DHX34: variants seen among roughly 807,000 people sequenced by gnomAD.
The protein encoded by DHX34 is DExH-box helicase 34, also known as probable ATP-dependent RNA helicase DHX34.
DHX34 carries 96 observed loss-of-function variants against 111.1 expected under a neutral mutation model. The observed-to-expected ratio is 0.86, with a 90% CI of 0.73 to 1.02. The LOEUF is 1.02. Among genes scored for constraint, DHX34 ranks in the 50% least tolerant of loss-of-function variants. The pLI, the probability that DHX34 is intolerant of heterozygous loss-of-function variation, is 0.00. For missense variants in DHX34, 1,560 were observed against 1,579.9 expected, an observed-to-expected ratio of 0.99 and a Z score of 0.21; for synonymous variants, 688 against 670.4, an observed-to-expected ratio of 1.03 and a Z score of -0.41.
At chr19:47,365,782 T>C (rs1453859250) in intron 6 of DHX34, among the ~76,000 whole-genome samples, 2 of 152,150 alleles carry the variant, frequency 1.3e-5, no homozygotes, top group Admixed American at 1.3e-4. Flanking sequence ...GCTGTTTGCT[T>C]ACGTATGCCA....
Position 47,352,764 on chromosome 19 carries a change from C to T in DHX34, c.-267C>T, listed in dbSNP as rs1289131639. ...GTTCTCTCTCTTAAGAATCCAGGGC[C>T]TGAAAACCCAGAATGAACTTGTGTC... On this transcript the variant is annotated 5_prime_UTR_variant, in exon 2 of 17. Transcript: ENST00000328771. The T allele has an allele frequency of 9.8e-6, 5 of 508,318 alleles. No individual in the cohort carries two copies. The highest frequency in any genetic ancestry group is 3.4e-6 in the Non-Finnish European group (1 of 298,474). The allele number at this position is 508,318 out of a possible 1,614,324, so 31.5% of individuals were successfully genotyped here.
intron 6 of DHX34, among the ~76,000 whole-genome samples, chr19:47,364,539 C>T (rs923370780): frequency 2.0e-5 from 3 of 152,016 alleles, no homozygotes; most frequent in Non-Finnish European, 4.4e-5. Context: ...GCCAGGAAGT[C>T]GAGACCAGCC....
At chr19:47,366,849 C>T in intron 6 of DHX34, 132 bp from the exon 7 acceptor site, 1 of 1,368,706 alleles carries the variant, frequency 7.3e-7, no homozygotes, top group Non-Finnish European at 9.5e-7. Context: ...GCTGGGATTA[C>T]AGGCATGAGC....
rs564200794 is a variant in DHX34, at chr19:47,363,082, C to G, written c.1593+389C>G. ...TCTCCTGCCTCAGCCTTCCTAGTAG[C>G]TGGGACTACAGGTGTGCACCACCAA... On this transcript the variant is annotated intron_variant, in intron 6 of 16. Transcript: ENST00000328771. 2.6e-5 allele frequency among the ~76,000 whole-genome samples: 4 copies of G among 152,162 alleles called. No individual in the cohort carries two copies. In the East Asian group the frequency reaches 7.7e-4, roughly 29 times the overall value.
rs753298667 is a variant in DHX34 at position 47,353,006 on chromosome 19, G to T, written c.-25G>T. 1.3e-6 allele frequency: 2 copies of T among 1,595,382 alleles called. No individual in the cohort carries two copies. Among genetic ancestry groups the T allele is most frequent in the Non-Finnish European group, 8.6e-7 (1 of 1,167,382 alleles). ...ATATTTGTTTTGGGTGATCAGAACTGAGACTCCTATTGTGGATTAGTAACA... is the reference window on the plus strand; with the variant it reads ...ATATTTGTTTTGGGTGATCAGAACTTAGACTCCTATTGTGGATTAGTAACA... On this transcript the variant is annotated 5_prime_UTR_variant, in exon 2 of 17. It removes the in-frame stop codon of an upstream open reading frame in the 5' UTR. Coordinates refer to ENST00000328771, the MANE Select transcript of DHX34 (RefSeq NM_014681.6). This position sits in a 1 kb window ranked among gnomAD's most constrained non-coding sequence, Gnocchi z 4.6.
chr19:47,362,352 C>T, intron 5 of DHX34, 124 bp from the exon 6 acceptor site: 1 of 1,306,428 alleles, frequency 7.7e-7, no homozygotes, highest in Non-Finnish European at 9.8e-7. Context: ...AGAATAAGCC[C>T]TCAGTTAGCA....
rs377751914 is a variant in DHX34, at chr19:47,376,436, T to C, written c.2482-7T>C. 2.0e-5 allele frequency: 33 copies of C among 1,610,250 alleles called. No homozygotes were observed. In the African/African-American group the frequency reaches 3.9e-4, roughly 19 times the overall value. On this transcript the variant is annotated splice_polypyrimidine_tract_variant and splice_region_variant and intron_variant, in intron 11 of 16. Transcript: ENST00000328771. ...GAGGGCTTGTGCTTTCTCTCTGTCC[T>C]CCGCAGATTTTCCACACGCAGGCCA...
At chr19:47,364,684 G>T (rs377244771) in intron 6 of DHX34, among the ~76,000 whole-genome samples, 133 of 152,236 alleles carry the variant, frequency 8.7e-4, no homozygotes, top group African/African-American at 3.1e-3. Flanking sequence ...GCTGCAGTGA[G>T]CCTTGATTGC....
Position 47,353,568 on chromosome 19 carries a change from G to T in DHX34, c.538G>T (p.Val180Leu), listed in dbSNP as rs1450093116. 1 of 1,613,130 alleles carries T rather than the reference G, an allele frequency of 6.2e-7. No individual in the cohort carries two copies. Among genetic ancestry groups the T allele is most frequent in the Non-Finnish European group, 8.5e-7 (1 of 1,180,042 alleles). ...RILQTLKEHQVVVVAGDTGCG... is the reference protein window; with the variant it reads ...RILQTLKEHQLVVVAGDTGCG... ...CCTGCAGACGCTGAAGGAGCACCAG[G>T]TGGTGGTAGTGGCCGGTGACACCGG... is the stretch of plus-strand genomic sequence containing the variant. The change falls in exon 2 of 17, where the codon GTG becomes TTG. Residue 180 changes from valine (V) to leucine (L), a missense_variant. By Grantham distance (32) the Val-to-Leu change is conservative. Transcript: ENST00000328771. This position sits in a 1 kb window ranked among gnomAD's most constrained non-coding sequence, Gnocchi z 4.6.
At position 47,353,682 on chromosome 19, in the gene DHX34, A is replaced by G. The variant is rs750764779; in HGVS notation, c.652A>G (p.Ile218Val). The G allele has an allele frequency of 2.5e-6, 4 of 1,611,954 alleles. No individual in the cohort carries two copies. The South Asian group carries it at 3.3e-5, about 13-fold the overall frequency. ...CACCCAGCCCCGGCGGATCGCCTGC[A>G]TCTCACTGGCCAAGCGTGTGGGCTT... is the stretch of plus-strand genomic sequence containing the variant. ...ACTQPRRIACISLAKRVGFES... is the reference protein window; with the variant it reads ...ACTQPRRIACVSLAKRVGFES... Residue 218 changes from isoleucine (I) to valine (V), a missense_variant, in exon 2 of 17, where the codon ATC becomes GTC. By Grantham distance (29) the Ile-to-Val change is conservative. Transcript: ENST00000328771. This position sits in a 1 kb window ranked among gnomAD's most constrained non-coding sequence, Gnocchi z 4.6.
Position 47,381,167 on chromosome 19 carries a change from G to A in DHX34, c.3160-19G>A. The A allele has an allele frequency of 1.2e-6, 2 of 1,612,108 alleles. No homozygotes were observed. The highest frequency in any genetic ancestry group is 1.7e-6 in the Non-Finnish European group (2 of 1,178,596). On this transcript the variant is annotated intron_variant, in intron 15 of 16. Coordinates refer to ENST00000328771, the MANE Select transcript of DHX34 (RefSeq NM_014681.6). ...TGGCACTTGGCGGGGGCCCAGCCCT[G>A]ACAGCTGGCCTGCCACAGAATGACA... is the stretch of plus-strand genomic sequence containing the variant.
chr19:47,376,621 A>G, intron 12 of DHX34, 61 bp downstream of exon 12: 2 of 1,530,182 alleles, frequency 1.3e-6, no homozygotes, highest in South Asian at 2.5e-5. Context: ...GGATACCGTG[A>G]ACTCCCAGGC....
intron 14 of DHX34, among the ~76,000 whole-genome samples, chr19:47,380,363 G>A (rs1215172976): frequency 6.6e-6 from 1 of 152,104 alleles, no homozygotes. Context: ...TGACTCTTAG[G>A]TGGGGAGTGG....
At position 47,360,043 on chromosome 19, in the gene DHX34, G is replaced by A; in HGVS notation, c.1348G>A (p.Asp450Asn). 6.2e-7 allele frequency: 1 copy of A among 1,613,980 alleles called. No individual in the cohort carries two copies. The highest frequency in any genetic ancestry group is 8.5e-7 in the Non-Finnish European group (1 of 1,179,990). ...TNIAETSVTI[D>N]GIRFVVDSGK... ...CATTGCTGAGACCTCAGTCACCATT[G>A]ACGGGATCCGCTTCGTAGTAGATTC... The change falls in exon 5 of 17, where the codon GAC (aspartate) becomes AAC (asparagine). Residue 450 changes from aspartate to asparagine, a missense_variant. Asp to Asn is a conservative substitution (Grantham distance 23). Transcript: ENST00000328771.
chr19:47,375,759 C>T (rs1197921113), intron 10 of DHX34, 51 bp downstream of exon 10: 1 of 1,560,752 alleles, frequency 6.4e-7, no homozygotes, highest in Non-Finnish European at 8.6e-7. Context: ...TGGGCCTTGG[C>T]CTCTCCTGGG....
In DHX34 at chr19:47,373,068, GGC is replaced by G. The variant is rs1230793367; in HGVS notation, c.1962+146_1962+147del. On this transcript the variant is annotated intron_variant, in intron 8 of 16. Coordinates refer to ENST00000328771, the MANE Select transcript of DHX34 (RefSeq NM_014681.6). ...CCACAGACTGGGCCTGCCTGGGGAGGGCCATGTCTCCATCATCCATGCTTTCG... is the reference window on the plus strand; with the variant it reads ...CCACAGACTGGGCCTGCCTGGGGAGGCATGTCTCCATCATCCATGCTTTCG... 1.1e-5 allele frequency: 12 copies of G among 1,137,192 alleles called. No homozygotes were observed. The Admixed American group carries it at 2.1e-4, about 20-fold the overall frequency. The allele number at this position is 1,137,192 out of a possible 1,614,324, so 70.4% of individuals were successfully genotyped here.
rs972700319 is a variant in DHX34 at position 47,353,971 on chromosome 19, C to CT, written c.705+245dup. Among the ~76,000 whole-genome samples the CT allele has an allele frequency of 7.3e-5, 11 of 151,640 alleles. No individual in the cohort carries two copies. The highest frequency in any genetic ancestry group is 2.1e-4 in the South Asian group (1 of 4,782). On this transcript the variant is annotated intron_variant, in intron 2 of 16. Transcript: ENST00000328771. This position sits in a 1 kb window ranked among gnomAD's most constrained non-coding sequence, Gnocchi z 4.6. ...TGGGAAATGTCCTAAAGGCTCATCA[C>CT]TTTTTTTTTGAGACGGAGTCTCACT...
intron 7 of DHX34, 145 bp downstream of exon 7, chr19:47,367,300 T>C (rs1377656722): frequency 1.0e-6 from 1 of 960,230 alleles, no homozygotes; most frequent in Admixed American, 4.1e-5. Context: ...GGCACTGTTC[T>C]AGGTGCTGGG....
Position 47,351,098 on chromosome 19 carries a change from C to T in DHX34, c.-277-1656C>T, listed in dbSNP as rs138260275. Among the ~76,000 whole-genome samples the T allele has an allele frequency of 8.9e-3, 1,333 of 149,814 alleles. 24 individuals carry two copies. The highest frequency in any genetic ancestry group is 0.028 in the African/African-American group (1,126 of 40,924). ...AAAAAGATAGATACCTTGAGAGGAG[C>T]GGGATGCTGTCAGTGGGGCCCAGCA... On this transcript the variant is annotated intron_variant, in intron 1 of 16. Transcript: ENST00000328771.
Sources: gnomAD v4.1 joint callset for allele counts (sites outside exome capture counted in the v4.1 genomes callset) on GRCh38, gnomAD v4.1.1 for gene constraint, Gnocchi (gnomAD v3.1) non-coding constraint, MANE v1.5 for transcripts, NCBI Gene and HGNC (gene_info 2026-07-23, HGNC 2026-07-21) for gene names.